HERC3: variants seen among roughly 807,000 people sequenced by gnomAD.
HERC3 encodes probable E3 ubiquitin-protein ligase HERC3.
HERC3 carries 58 observed loss-of-function variants against 129.9 expected under a neutral mutation model. The observed-to-expected ratio is 0.45, with a 90% CI of 0.36 to 0.56. The LOEUF (loss-of-function observed/expected upper bound fraction) is 0.56. Among genes scored for constraint, HERC3 ranks in the 20% least tolerant of loss-of-function variants. The pLI is 0.00. For synonymous variants in HERC3, 430 were observed against 451.0 expected, an observed-to-expected ratio of 0.95 and a Z score of 0.59; for missense variants, 835 against 1,244.2, an observed-to-expected ratio of 0.67 and a Z score of 4.95.
At chr4:88,652,391 A>G (rs139679800) in intron 5 of HERC3, among the ~76,000 whole-genome samples, 11 of 152,250 alleles carry the variant, frequency 7.2e-5, no homozygotes, top group African/African-American at 2.4e-4. Context: ...GCGACAGCCA[A>G]CTCTCAAGCT....
rs144353897 is a variant in HERC3 at position 88,594,860 on chromosome 4, G to A, written c.-87-697G>A. Among the ~76,000 whole-genome samples the A allele has an allele frequency of 9.2e-3, 1,395 of 152,168 alleles. 20 individuals are homozygous for A. The highest frequency in any genetic ancestry group is 0.031 in the African/African-American group (1,305 of 41,502). Reference sequence around the variant, plus strand: ...TCACACCTGTAATCCCAGCACTTTGGGCGGCTTGAGACGGGTGGATCACTT... The same window carrying A: ...TCACACCTGTAATCCCAGCACTTTGAGCGGCTTGAGACGGGTGGATCACTT... On this transcript the variant is annotated intron_variant, in intron 1 of 25. Coordinates refer to ENST00000402738, the MANE Select transcript of HERC3 (RefSeq NM_014606.3).
chr4:88,545,817 C>T, the HERC3 span, among the ~76,000 whole-genome samples: 1 of 151,924 alleles, frequency 6.6e-6, no homozygotes, highest in African/African-American at 2.4e-5. Flanking sequence ...GCTTTTAAAT[C>T]TGAACTTAAA....
In HERC3 at chr4:88,704,255, A is replaced by G; in HGVS notation, c.2815A>G (p.Asn939Asp). The change falls in exon 24 of 26, where the codon AAC (asparagine) becomes GAC (aspartate). Residue 939 changes from asparagine (N) to aspartate (D), a missense_variant. Transcript: ENST00000402738. ...GAGGGCTATGATGGTGGGGAACAGC[A>G]ACTACAACTGGGAAGAACTGGAAGA... is the stretch of plus-strand genomic sequence containing the variant. ...ELRAMMVGNS[N>D]YNWEELEETA... 6.2e-7 allele frequency: 1 copy of G among 1,614,128 alleles called. No individual in the cohort carries two copies. The highest frequency in any genetic ancestry group is 2.2e-5 in the East Asian group (1 of 44,862).
intron 3 of HERC3, among the ~76,000 whole-genome samples, chr4:88,629,587 C>T (rs768528463): frequency 3.2e-4 from 49 of 152,118 alleles, no homozygotes; most frequent in Non-Finnish European, 5.7e-4. Context: ...AAAAGACATT[C>T]AAAATTCTAA....
intron 3 of HERC3, among the ~76,000 whole-genome samples, chr4:88,627,975 G>C (rs1215780573): frequency 6.6e-6 from 1 of 151,380 alleles, no homozygotes; most frequent in Non-Finnish European, 1.5e-5. Context: ...GTCTGTCTTA[G>C]TGAATGTTCT....
intron 3 of HERC3, among the ~76,000 whole-genome samples, chr4:88,633,282 A>G (rs1471482867): frequency 1.3e-5 from 2 of 152,228 alleles, no homozygotes; most frequent in African/African-American, 4.8e-5. Context: ...GTGGCACATC[A>G]AGAATGAAGA....
chr4:88,556,535 C>T, the HERC3 span, among the ~76,000 whole-genome samples: 26 of 152,110 alleles, frequency 1.7e-4, no homozygotes, highest in African/African-American at 6.0e-4. Context: ...CAGCTACTTC[C>T]TTTTTCTAAA....
At chr4:88,561,390 T>C in the HERC3 span, among the ~76,000 whole-genome samples, 2 of 152,192 alleles carry the variant, frequency 1.3e-5, no homozygotes, top group Non-Finnish European at 2.9e-5. Context: ...GGGTACATAG[T>C]AGGTATATAT....
the HERC3 span, among the ~76,000 whole-genome samples, chr4:88,558,058 C>T: frequency 1.7e-5 from 2 of 115,872 alleles, no homozygotes; most frequent in South Asian, 5.8e-4. Flanking sequence ...GCAACGAGAG[C>T]GAGACTCTGA....
chr4:88,664,244 CG>C, intron 12 of HERC3, 32 bp downstream of exon 12: 7 of 1,548,890 alleles, frequency 4.5e-6, no homozygotes, highest in Non-Finnish European at 6.2e-6. Context: ...AAAACCCTCA[CG>C]TGTACCTGTA....
At chr4:88,549,503 T>C in the HERC3 span, among the ~76,000 whole-genome samples, 3 of 152,268 alleles carry the variant, frequency 2.0e-5, no homozygotes, top group Admixed American at 6.5e-5. Context: ...GACATTATTT[T>C]CATCTTTATG....
At chr4:88,686,906 G>C (rs1213363357) in intron 22 of HERC3, 104 bp downstream of exon 22, 2 of 890,398 alleles carry the variant, frequency 2.2e-6, no homozygotes, top group Non-Finnish European at 3.6e-6. Context: ...AAAAGTCAGA[G>C]ACTTCTTTGA....
rs1732357305 is a variant in HERC3, at chr4:88,678,052, A to G, written c.2114A>G (p.His705Arg). ...GCCAGAAGCCCCTTCCTGGTCCTTC[A>G]CGTTCGCAGGAACAACCTTGTTGGA... ...LLARSPFLVL[H>R]VRRNNLVGDA... Residue 705 changes from histidine (H) to arginine (R), a missense_variant, in exon 19 of 26, where the codon CAC becomes CGC. His to Arg is a conservative substitution (Grantham distance 29). Transcript: ENST00000402738. 6.2e-7 allele frequency: 1 copy of G among 1,613,880 alleles called. No individual in the cohort carries two copies. The highest frequency in any genetic ancestry group is 1.3e-5 in the African/African-American group (1 of 74,914).
At chr4:88,693,660 A>C (rs752273864) in intron 23 of HERC3, 66 of 982,980 alleles carry the variant, frequency 6.7e-5, no homozygotes, top group South Asian at 9.4e-5. Context: ...AAGTGTGTAC[A>C]TGTGTGTATA....
Position 88,706,845 on chromosome 4 carries a change from C to T in HERC3, c.3038C>T (p.Pro1013Leu), listed in dbSNP as rs1735826127. The T allele has an allele frequency of 5.6e-6, 9 of 1,614,008 alleles. No individual in the cohort carries two copies. Among genetic ancestry groups the T allele is most frequent in the African/African-American group, 1.3e-5 (1 of 74,898 alleles). Residue 1013 changes from proline to leucine, a missense_variant, in exon 26 of 26, where the codon CCG becomes CTG. Transcript: ENST00000402738. ...QSTASGEEYL[P>L]VAHTCYNLLD... ...ACAGCCAGCGGGGAGGAGTACTTGC[C>T]GGTGGCCCACACTTGCTACAACCTT...
Position 88,706,826 on chromosome 4 carries a change from A to G in HERC3, c.3019A>G (p.Ser1007Gly). The stretch of plus-strand genomic sequence containing the variant: ...GCAGATTGTCATCCAGTCCACAGCC[A>G]GCGGGGAGGAGTACTTGCCGGTGGC... ...SLQIVIQSTA[S>G]GEEYLPVAHT... Residue 1007 changes from serine (S) to glycine (G), a missense_variant, in exon 26 of 26, where the codon AGC becomes GGC. Coordinates refer to ENST00000402738, the MANE Select transcript of HERC3 (RefSeq NM_014606.3). 2 of 1,614,160 alleles carry G rather than the reference A, an allele frequency of 1.2e-6. No homozygotes were observed. Among genetic ancestry groups the G allele is most frequent in the Non-Finnish European group, 1.7e-6 (2 of 1,180,016 alleles).
At chr4:88,675,559 T>C (rs1268656763) in intron 16 of HERC3, among the ~76,000 whole-genome samples, 2 of 152,106 alleles carry the variant, frequency 1.3e-5, no homozygotes. Context: ...GTTACGTAAC[T>C]TAACAAAAAG....
chr4:88,695,166 G>A (rs1734473444), intron 23 of HERC3, among the ~76,000 whole-genome samples: 1 of 152,016 alleles, frequency 6.6e-6, no homozygotes, highest in Non-Finnish European at 1.5e-5. Context: ...AACTTTGTAT[G>A]TAACGTATTA....
At chr4:88,653,909 C>G (rs1729560029) in intron 6 of HERC3, 133 bp from the exon 7 acceptor site, 4 of 651,426 alleles carry the variant, frequency 6.1e-6, no homozygotes, top group Non-Finnish European at 1.1e-5. Flanking sequence ...TGTTGGATAT[C>G]CAAGTACAGA....
Sources: allele counts gnomAD v4.1 joint callset (sites outside exome capture counted in the v4.1 genomes callset), GRCh38; gene constraint gnomAD v4.1.1; transcripts MANE v1.5; gene names NCBI Gene and HGNC (gene_info 2026-07-23, HGNC 2026-07-21).